PLCB4: variants seen among roughly 807,000 people sequenced by gnomAD.
PLCB4 encodes the protein 1-phosphatidylinositol 4,5-bisphosphate phosphodiesterase beta-4.
In PLCB4, 77 loss-of-function variants were observed where a neutral mutation model predicts 178.8. That is an observed-to-expected ratio of 0.43 (90% CI 0.36 to 0.52). The LOEUF (loss-of-function observed/expected upper bound fraction) is 0.52. PLCB4 is among the 20% of genes least tolerant of loss of function. The pLI is 0.00. For missense variants in PLCB4, 1,024 were observed against 1,453.4 expected, an observed-to-expected ratio of 0.70 and a Z score of 4.80; for synonymous variants, 496 against 490.8, an observed-to-expected ratio of 1.01 and a Z score of -0.14.
At chr20:9,177,593 T>C (rs1027358558) in intron 2 of PLCB4, among the ~76,000 whole-genome samples, 3 of 152,150 alleles carry the variant, frequency 2.0e-5, no homozygotes, top group Admixed American at 1.3e-4. Flanking sequence ...CAAGCTAGTG[T>C]TGGAAAAGGG....
At chr20:9,443,778 G>A (rs1323214471) in intron 30 of PLCB4, among the ~76,000 whole-genome samples, 4 of 151,926 alleles carry the variant, frequency 2.6e-5, no homozygotes, top group African/African-American at 9.7e-5. Context: ...CTGCTTGTAG[G>A]AAACCTGACC....
At chr20:9,082,933 CA>C (rs2090225690) in intron 1 of PLCB4, among the ~76,000 whole-genome samples, 1 of 152,182 alleles carries the variant, frequency 6.6e-6, no homozygotes, top group East Asian at 1.9e-4. Context: ...CAGGCTCTCC[CA>C]AACCATTTTG....
chr20:9,227,586 CA>C (rs1164716536), intron 3 of PLCB4, among the ~76,000 whole-genome samples: 3 of 152,010 alleles, frequency 2.0e-5, no homozygotes, highest in Non-Finnish European at 2.9e-5. Context: ...CTATTCTTTC[CA>C]AGATTGAATC....
intron 4 of PLCB4, among the ~76,000 whole-genome samples, chr20:9,327,604 A>G (rs1318210839): frequency 6.6e-6 from 1 of 150,892 alleles, no homozygotes; most frequent in Non-Finnish European, 1.5e-5. Flanking sequence ...GACAAACCCC[A>G]TCTCTACTAA....
intron 2 of PLCB4, among the ~76,000 whole-genome samples, chr20:9,191,585 G>A (rs1372537276): frequency 6.6e-6 from 1 of 152,070 alleles, no homozygotes; most frequent in Non-Finnish European, 1.5e-5. Flanking sequence ...TGGTTAGTTG[G>A]ATTTTAAGTG....
chr20:9,420,926 T>A (rs992721174), intron 26 of PLCB4, among the ~76,000 whole-genome samples: 1 of 152,224 alleles, frequency 6.6e-6, no homozygotes, highest in Non-Finnish European at 1.5e-5. Context: ...TATGGCATGA[T>A]GGAATTTCAG....
At chr20:9,337,430 A>T (rs1385818245) in intron 5 of PLCB4, among the ~76,000 whole-genome samples, 1 of 152,218 alleles carries the variant, frequency 6.6e-6, no homozygotes, top group Non-Finnish European at 1.5e-5. Context: ...TTAAAAAATA[A>T]GTTACAAGTC....
At position 9,146,889 on chromosome 20, in the gene PLCB4, G is replaced by A. The variant is rs908041613; in HGVS notation, c.-79+50547G>A. ...TTTGTTTAAGTGTAAATAGAAGAGAGCTGAAATTAGACCATATGTGGATTT... is the reference window on the plus strand; with the variant it reads ...TTTGTTTAAGTGTAAATAGAAGAGAACTGAAATTAGACCATATGTGGATTT... On this transcript the variant is annotated intron_variant, in intron 2 of 39. Transcript: ENST00000378473. Among the ~76,000 whole-genome samples, 20 of 152,144 alleles carry A rather than the reference G, an allele frequency of 1.3e-4. 1 individual carries two copies. The highest frequency in any genetic ancestry group is 4.4e-5 in the Non-Finnish European group (3 of 68,012).
chr20:9,295,040 A>C (rs2094618293), intron 3 of PLCB4, among the ~76,000 whole-genome samples: 1 of 152,134 alleles, frequency 6.6e-6, no homozygotes, highest in Admixed American at 6.6e-5. Context: ...GAACCCCAGG[A>C]CTTTTTAAAG....
intron 2 of PLCB4, among the ~76,000 whole-genome samples, chr20:9,111,810 T>C (rs965122548): frequency 1.3e-5 from 2 of 152,236 alleles, no homozygotes; most frequent in Non-Finnish European, 2.9e-5. Flanking sequence ...GTAACTCTCA[T>C]AAAACATAGG....
At chr20:9,229,786 A>G (rs1371677325) in intron 3 of PLCB4, among the ~76,000 whole-genome samples, 1 of 152,004 alleles carries the variant, frequency 6.6e-6, no homozygotes. Flanking sequence ...TTTGCTGCAC[A>G]AGTCATCCCA....
At chr20:9,240,139 A>G (rs956145353) in intron 3 of PLCB4, among the ~76,000 whole-genome samples, 1 of 152,166 alleles carries the variant, frequency 6.6e-6, no homozygotes, top group African/African-American at 2.4e-5. Context: ...GTTGACACTC[A>G]GTATTAACCA....
At chr20:9,365,586 C>T (rs1386673286) in intron 9 of PLCB4, 72 bp downstream of exon 9, 1 of 836,460 alleles carries the variant, frequency 1.2e-6, no homozygotes, top group Admixed American at 2.1e-5. Context: ...AGAGAGAACC[C>T]TTCACAAGTA....
At chr20:9,382,614 T>A (rs942558269) in intron 13 of PLCB4, among the ~76,000 whole-genome samples, 14 of 152,224 alleles carry the variant, frequency 9.2e-5, no homozygotes, top group African/African-American at 3.4e-4. Flanking sequence ...CTGCCTGGAC[T>A]GGTGTTTCCT....
Position 9,172,351 on chromosome 20 carries a change from A to G in PLCB4, c.-78-45039A>G, listed in dbSNP as rs190336823. ...GAGTGGAATATCTTACTCATTTTCT[A>G]CATACATCCTACCTATCCTTGAAAG... On this transcript the variant is annotated intron_variant, in intron 2 of 39. Transcript: ENST00000378473. 7.2e-5 allele frequency among the ~76,000 whole-genome samples: 11 copies of G among 152,268 alleles called. No homozygotes were observed. In the East Asian group the frequency reaches 2.1e-3, roughly 29 times the overall value.
chr20:9,085,523 G>A (rs2090369536), intron 1 of PLCB4, among the ~76,000 whole-genome samples: 1 of 152,066 alleles, frequency 6.6e-6, no homozygotes, highest in East Asian at 1.9e-4. Context: ...TCTTATTTTG[G>A]ATTTGTATGC....
rs2044751743 is a variant in PLCB4 at position 9,479,247 on chromosome 20, C to T, written c.*238C>T. ...ACTATTCCAGTAAGGCAGAGTCCAA[C>T]CATTGATAATACAACTTAAACATGT... On this transcript the variant is annotated 3_prime_UTR_variant, in exon 40 of 40. Coordinates refer to ENST00000378473, the MANE Select transcript of PLCB4 (RefSeq NM_001377142.1). The T allele has an allele frequency of 1.9e-6, 1 of 519,390 alleles. No homozygotes were observed. The highest frequency in any genetic ancestry group is 2.3e-5 in the South Asian group (1 of 43,294). 32.2% of individuals were successfully genotyped at this position (519,390 alleles called of 1,614,324 possible).
At chr20:9,257,418 C>T (rs1423043741) in intron 3 of PLCB4, among the ~76,000 whole-genome samples, 4 of 152,148 alleles carry the variant, frequency 2.6e-5, no homozygotes, top group Non-Finnish European at 5.9e-5. Context: ...GAATCTGTTT[C>T]AATGTAGCCA....
chr20:9,394,961 A>T (rs1006292688), intron 18 of PLCB4, among the ~76,000 whole-genome samples: 1 of 151,866 alleles, frequency 6.6e-6, no homozygotes, highest in African/African-American at 2.4e-5. Flanking sequence ...CCTTTTTTGC[A>T]TATTACTATT....
Sources: allele counts gnomAD v4.1 joint callset (sites outside exome capture counted in the v4.1 genomes callset), GRCh38; gene constraint gnomAD v4.1.1; transcripts MANE v1.5; gene names NCBI Gene and HGNC (gene_info 2026-07-23, HGNC 2026-07-21).